Variants in DNAH3 observed in about 807,000 individuals in gnomAD.
DNAH3 encodes dynein axonemal heavy chain 3.
In DNAH3, 332 loss-of-function variants were observed where a neutral mutation model predicts 432.5. The observed-to-expected ratio is 0.77, with a 90% CI of 0.70 to 0.84. The LOEUF (loss-of-function observed/expected upper bound fraction) is 0.84. Ranked by LOEUF, DNAH3 falls within the 40% of genes least tolerant of loss-of-function variation. DNAH3 has a pLI of 0.00. For synonymous variants in DNAH3, 1,956 were observed against 1,900.2 expected, an observed-to-expected ratio of 1.03 and a Z score of -0.76; for missense variants, 4,861 against 5,114.0, an observed-to-expected ratio of 0.95 and a Z score of 1.51.
chr16:21,043,151 T>C (rs1373269331), intron 31 of DNAH3, among the ~76,000 whole-genome samples: 1 of 151,944 alleles, frequency 6.6e-6, no homozygotes, highest in African/African-American at 2.4e-5. Context: ...TGTGTCTTTA[T>C]AGCAGCATGA....
chr16:20,984,563 G>T (rs530811937), intron 48 of DNAH3, among the ~76,000 whole-genome samples: 2 of 152,088 alleles, frequency 1.3e-5, no homozygotes, highest in Non-Finnish European at 2.9e-5. Context: ...AATTGAAGAC[G>T]GGGGACAGGT....
chr16:20,935,693 A>T (rs1037238853), intron 60 of DNAH3, among the ~76,000 whole-genome samples: 1 of 152,154 alleles, frequency 6.6e-6, no homozygotes, highest in Non-Finnish European at 1.5e-5. Context: ...TACTACAAAA[A>T]TTAGCCAGGC....
intron 49 of DNAH3, among the ~76,000 whole-genome samples, chr16:20,982,004 TAATA>T (rs1427421256): frequency 3.4e-5 from 5 of 146,138 alleles, no homozygotes; most frequent in Non-Finnish European, 4.5e-5. Context: ...ATATAATATA[TAATA>T]TATATAATTA....
chr16:20,995,710 A>G (rs879128346), intron 44 of DNAH3, among the ~76,000 whole-genome samples: 1 of 152,170 alleles, frequency 6.6e-6, no homozygotes, highest in Admixed American at 6.5e-5. Flanking sequence ...GCTACCAGCA[A>G]TTTCTCTTCA....
At chr16:21,085,196 T>C (rs929069278) in intron 19 of DNAH3, among the ~76,000 whole-genome samples, 3 of 150,938 alleles carry the variant, frequency 2.0e-5, no homozygotes, top group Non-Finnish European at 2.9e-5. Context: ...CTGGGCAACA[T>C]AGTAAGACCC....
chr16:20,974,763 G>C (rs2085505244), intron 51 of DNAH3, among the ~76,000 whole-genome samples: 1 of 151,208 alleles, frequency 6.6e-6, no homozygotes, highest in Non-Finnish European at 1.5e-5. Flanking sequence ...CGATGTTTCA[G>C]AACAACTTCC....
At position 21,049,830 on chromosome 16, in the gene DNAH3, T is replaced by TA. The variant is rs1325933212; in HGVS notation, c.4347+79dup. 46 of 1,394,794 alleles carry TA rather than the reference T, an allele frequency of 3.3e-5. No individual in the cohort carries two copies. In the African/African-American group the frequency reaches 6.0e-4, roughly 18 times the overall value. 86.4% of individuals were successfully genotyped at this position (1,394,794 alleles called of 1,614,324 possible). The stretch of plus-strand genomic sequence containing the variant: ...GCTGCCTGTTAATGCTAAACCATCT[T>TA]AAAGTTGATGCCTACTTCCCACAGG... On this transcript the variant is annotated intron_variant, in intron 30 of 61. Transcript: ENST00000261383.
intron 12 of DNAH3, 133 bp downstream of exon 12, chr16:21,117,070 T>C (rs2092220919): frequency 1.6e-6 from 1 of 619,624 alleles, no homozygotes; most frequent in Non-Finnish European, 2.8e-6. Context: ...GTAATACTCA[T>C]GTAAGTATTG....
intron 9 of DNAH3, 40 bp from the exon 11 acceptor site, chr16:21,122,164 G>C (rs1208397086): frequency 1.9e-6 from 3 of 1,551,480 alleles, no homozygotes; most frequent in Non-Finnish European, 2.6e-6. Flanking sequence ...TACAAAATTG[G>C]GCCTTCCAAA....
intron 18 of DNAH3, among the ~76,000 whole-genome samples, chr16:21,096,129 C>G (rs1372553920): frequency 2.2e-5 from 3 of 136,374 alleles, no homozygotes; most frequent in African/African-American, 7.9e-5. Flanking sequence ...ACCTAAGGGT[C>G]TCTGATTTTT....
intron 55 of DNAH3, among the ~76,000 whole-genome samples, chr16:20,954,463 T>A (rs985617821): frequency 3.4e-4 from 51 of 151,616 alleles, no homozygotes; most frequent in African/African-American, 1.2e-3. Flanking sequence ...CTAATTTTTG[T>A]GTTTTTAGTA....
At chr16:21,084,724 C>T (rs112437319) in intron 19 of DNAH3, among the ~76,000 whole-genome samples, 8 of 152,262 alleles carry the variant, frequency 5.3e-5, no homozygotes, top group East Asian at 1.9e-4. Flanking sequence ...CCTCCTGTCT[C>T]GGCCTCCTAA....
chr16:20,962,280 T>TC (rs2084858248), intron 53 of DNAH3, among the ~76,000 whole-genome samples: 2 of 152,172 alleles, frequency 1.3e-5, no homozygotes. Flanking sequence ...AGTCAGTGGT[T>TC]CCCATCCCTG....
intron 49 of DNAH3, among the ~76,000 whole-genome samples, chr16:20,982,020 G>GTATA (rs199617875): frequency 1.4e-5 from 2 of 147,112 alleles, no homozygotes; most frequent in African/African-American, 4.9e-5. Context: ...ATATAATTAA[G>GTATA]TATATATATA....
At chr16:21,051,625 G>C in intron 29 of DNAH3, 45 bp downstream of exon 29, 2 of 1,590,970 alleles carry the variant, frequency 1.3e-6, no homozygotes, top group Non-Finnish European at 1.7e-6. Context: ...TTCTTCCCCT[G>C]GAGTTCTCCG....
rs144263202 is a variant in DNAH3, at chr16:21,120,300, A to T, written c.1699+440T>A. On this transcript the variant is annotated intron_variant, in intron 11 of 61. Transcript: ENST00000261383. ...TTTTGTAGAGATGAGGTCTTGCTAT[A>T]TTGCCCAGGCTGATATTGAACTCCT... 8.6e-4 allele frequency among the ~76,000 whole-genome samples: 131 copies of T among 151,872 alleles called. 1 individual carries two copies. Among genetic ancestry groups the T allele is most frequent in the African/African-American group, 3.0e-3 (123 of 41,398 alleles).
At position 21,056,545 on chromosome 16, in the gene DNAH3, G is replaced by C. The variant is rs559097418; in HGVS notation, c.3924+1541C>G. Among the ~76,000 whole-genome samples the C allele has an allele frequency of 3.5e-4, 53 of 152,232 alleles. No homozygotes were observed. The South Asian group carries it at 0.011, about 31-fold the overall frequency. ...ACTAGACTATAAATCCATGAGGAGA[G>C]GGACTATGTCTGTCTCATTCACATC... On this transcript the variant is annotated intron_variant, in intron 27 of 61. Transcript: ENST00000261383.
chr16:21,129,494 C>A (rs2092511487), intron 7 of DNAH3: 1 of 147,744 alleles, frequency 6.8e-6, no homozygotes, highest in South Asian at 2.1e-4. Context: ...CTTTGGGAGG[C>A]CAAGGTGGGT....
At chr16:20,984,375 T>C (rs139177167) in intron 48 of DNAH3, among the ~76,000 whole-genome samples, 2 of 151,878 alleles carry the variant, frequency 1.3e-5, no homozygotes, top group Non-Finnish European at 2.9e-5. Context: ...GTGAAGGTGA[T>C]GGAGATGGAG....
Sources: gnomAD v4.1 joint callset for allele counts (sites outside exome capture counted in the v4.1 genomes callset) on GRCh38, gnomAD v4.1.1 for gene constraint, MANE v1.5 for transcripts, NCBI Gene and HGNC (gene_info 2026-07-23, HGNC 2026-07-21) for gene names.